The following ADAMTS6 variants were observed in gnomAD, a reference collection of about 807,000 sequenced individuals.
ADAMTS6 encodes the protein A disintegrin and metalloproteinase with thrombospondin motifs 6.
Under a neutral mutation model 144.3 loss-of-function variants are expected in ADAMTS6, and 23 were observed. The observed-to-expected ratio is 0.16, with a 90% confidence interval of 0.11 to 0.23. The LOEUF (loss-of-function observed/expected upper bound fraction) is 0.23. Ranked by LOEUF, ADAMTS6 falls within the 10% of genes least tolerant of loss-of-function variation. The pLI is 1.00. For synonymous variants in ADAMTS6, 444 were observed against 457.5 expected (o/e 0.97, Z 0.38); for missense variants, 999 against 1,379.6 (o/e 0.72, Z 4.37).
rs1159625703 is a variant in ADAMTS6, at chr5:65,299,502, T to C, written c.1370+483A>G. Among the ~76,000 whole-genome samples the C allele has an allele frequency of 3.8e-4, 58 of 152,166 alleles. 2 individuals carry two copies. Among genetic ancestry groups the C allele is most frequent in the Admixed American group, 3.8e-3 (58 of 15,274 alleles). On this transcript the variant is annotated intron_variant, in intron 10 of 24. Coordinates refer to ENST00000381055, the MANE Select transcript of ADAMTS6 (RefSeq NM_197941.4). ...AAAAAGTTCTCAAACTGTAGAAAAA[T>C]GGATCGCTTAATACACTTTCAAAAA...
At chr5:65,385,979 G>C (rs1303063547) in intron 7 of ADAMTS6, among the ~76,000 whole-genome samples, 2 of 152,298 alleles carry the variant, frequency 1.3e-5, no homozygotes, top group East Asian at 3.9e-4. Flanking sequence ...TCTATGGTTA[G>C]AGAAAAGATA....
chr5:65,456,400 T>A (rs988226115), intron 4 of ADAMTS6, among the ~76,000 whole-genome samples: 1 of 152,208 alleles, frequency 6.6e-6, no homozygotes, highest in African/African-American at 2.4e-5. Flanking sequence ...TTCATTGCCA[T>A]CTGAAATAAG....
At chr5:65,226,370 T>C in intron 15 of ADAMTS6, 151 bp from the exon 16 acceptor site, 1 of 792,034 alleles carries the variant, frequency 1.3e-6, no homozygotes, top group Non-Finnish European at 1.7e-6. Flanking sequence ...TTTTCTAAAA[T>C]TTCACCTTTA....
At chr5:65,197,871 T>G (rs1287952189) in intron 20 of ADAMTS6, among the ~76,000 whole-genome samples, 2 of 152,188 alleles carry the variant, frequency 1.3e-5, no homozygotes, top group African/African-American at 4.8e-5. Context: ...TTACCACAGC[T>G]AAAAATATTC....
intron 20 of ADAMTS6, chr5:65,210,780 G>T: frequency 1.6e-6 from 1 of 608,502 alleles, no homozygotes; most frequent in South Asian, 1.7e-5. Flanking sequence ...ATGCTTACAA[G>T]AAACAGTTCT....
rs151159459 is a variant in ADAMTS6 at position 65,280,856 on chromosome 5, G to A, written c.1513-7409C>T. Among the ~76,000 whole-genome samples, 172 of 152,280 alleles carry A rather than the reference G, an allele frequency of 1.1e-3. 1 individual carries two copies. Among genetic ancestry groups the A allele is most frequent in the Non-Finnish European group, 2.2e-3 (149 of 68,020 alleles). The stretch of plus-strand genomic sequence containing the variant: ...AAAATATGCAGGACAACCTAGAGGA[G>A]AAGTCAGTTCAATCAATGCGTAAAA... On this transcript the variant is annotated intron_variant, in intron 11 of 24. Transcript: ENST00000381055.
At chr5:65,309,087 G>A (rs1199300989) in intron 9 of ADAMTS6, among the ~76,000 whole-genome samples, 1 of 149,160 alleles carries the variant, frequency 6.7e-6, no homozygotes, top group African/African-American at 2.4e-5. Context: ...TTCATGGGAA[G>A]ACAACTTTTC....
intron 8 of ADAMTS6, among the ~76,000 whole-genome samples, chr5:65,333,782 T>C (rs1369667044): frequency 6.6e-6 from 1 of 151,494 alleles, no homozygotes; most frequent in Non-Finnish European, 1.5e-5. Flanking sequence ...TCTAAGTTAA[T>C]TTTAATAATC....
chr5:65,357,883 CACTAGTGAATTAT>C (rs1749478201), intron 7 of ADAMTS6, among the ~76,000 whole-genome samples: 2 of 151,952 alleles, frequency 1.3e-5, no homozygotes, highest in Middle Eastern at 6.8e-3. Context: ...CTAATGGCTT[CACTAGTGAATTAT>C]ACTAAATATC....
chr5:65,405,906 C>T (rs1720059477), intron 7 of ADAMTS6, among the ~76,000 whole-genome samples: 1 of 152,166 alleles, frequency 6.6e-6, no homozygotes, highest in Non-Finnish European at 1.5e-5. Flanking sequence ...CTCTCTGAAG[C>T]AATTGTGAAT....
rs1420642636 is a variant in ADAMTS6, at chr5:65,281,986, T to A, written c.1513-8539A>T. 3.3e-5 allele frequency among the ~76,000 whole-genome samples: 5 copies of A among 152,256 alleles called. No individual in the cohort carries two copies. In the South Asian group the frequency reaches 8.3e-4, roughly 25 times the overall value. Reference sequence around the variant, plus strand: ...TCTATTTACCGAGGAAAATTAAAATTAGCAGCTTACACAAGGGGAGGAGGT... The same window carrying A: ...TCTATTTACCGAGGAAAATTAAAATAAGCAGCTTACACAAGGGGAGGAGGT... On this transcript the variant is annotated intron_variant, in intron 11 of 24. Transcript: ENST00000381055.
chr5:65,319,797 G>A (rs983939236), intron 9 of ADAMTS6, among the ~76,000 whole-genome samples: 2 of 148,128 alleles, frequency 1.4e-5, no homozygotes, highest in South Asian at 2.2e-4. Flanking sequence ...AGAGAGGAAG[G>A]AAATGAGCAA....
intron 7 of ADAMTS6, among the ~76,000 whole-genome samples, chr5:65,440,049 C>G (rs1444398286): frequency 6.6e-6 from 1 of 152,076 alleles, no homozygotes. Context: ...CTCAAGTGAT[C>G]CACATGCCTC....
At chr5:65,332,173 C>T (rs1387698038) in intron 8 of ADAMTS6, among the ~76,000 whole-genome samples, 1 of 150,952 alleles carries the variant, frequency 6.6e-6, no homozygotes, top group African/African-American at 2.4e-5. Flanking sequence ...GTGTGTCTTA[C>T]CAATGTCATT....
At position 65,410,246 on chromosome 5, in the gene ADAMTS6, T is replaced by C. The variant is rs191365435; in HGVS notation, c.1073+41229A>G. On this transcript the variant is annotated intron_variant, in intron 7 of 24. Coordinates refer to ENST00000381055, the MANE Select transcript of ADAMTS6 (RefSeq NM_197941.4). ...CTACGCAACAAAAGTCAATGTATTA[T>C]GAAAAATAACATTTCTTCATGTATA... is the stretch of plus-strand genomic sequence containing the variant. Among the ~76,000 whole-genome samples the C allele has an allele frequency of 2.0e-5, 3 of 152,300 alleles. No individual in the cohort carries two copies. The East Asian group carries it at 5.8e-4, about 29-fold the overall frequency.
intron 4 of ADAMTS6, among the ~76,000 whole-genome samples, chr5:65,458,623 G>A (rs1176730983): frequency 6.6e-6 from 1 of 152,122 alleles, no homozygotes; most frequent in Non-Finnish European, 1.5e-5. Context: ...TATTGGCCAG[G>A]CTGATCTTGA....
chr5:65,218,028 C>T (rs1757056344), intron 18 of ADAMTS6, among the ~76,000 whole-genome samples: 1 of 152,068 alleles, frequency 6.6e-6, no homozygotes, highest in Admixed American at 6.5e-5. Flanking sequence ...GTGGTCTCAC[C>T]AAGTGAAGAA....
chr5:65,285,544 T>C (rs1763294051), intron 11 of ADAMTS6, among the ~76,000 whole-genome samples: 2 of 152,284 alleles, frequency 1.3e-5, no homozygotes, highest in Middle Eastern at 3.4e-3. Flanking sequence ...CAAATATTAA[T>C]TGAGCACCTA....
At chr5:65,273,257 G>T in intron 12 of ADAMTS6, 83 bp downstream of exon 12, 1 of 1,156,422 alleles carries the variant, frequency 8.6e-7, no homozygotes, top group Non-Finnish European at 1.3e-6. Flanking sequence ...GAATATATAA[G>T]ACTTCCTGGT....
Sources: allele counts gnomAD v4.1 joint callset (sites outside exome capture counted in the v4.1 genomes callset), GRCh38; gene constraint gnomAD v4.1.1; transcripts MANE v1.5; gene names NCBI Gene and HGNC (gene_info 2026-07-23, HGNC 2026-07-21).